The following SLA2 variants were observed in gnomAD, a reference collection of about 807,000 sequenced individuals.
The protein encoded by SLA2 is Src like adaptor 2.
SLA2 carries 22 observed loss-of-function variants against 27.3 expected under a neutral mutation model. The ratio of observed to expected loss-of-function variants is 0.81; its 90% CI spans 0.58 to 1.15. The LOEUF is 1.15. SLA2 is among the 50% of genes most tolerant of loss of function. SLA2 has a pLI of 0.00. For missense variants in SLA2, 304 were observed against 322.2 expected, an observed-to-expected ratio of 0.94 and a Z score of 0.43; for synonymous variants, 131 against 137.8, an observed-to-expected ratio of 0.95 and a Z score of 0.34.
At chr20:36,633,989 T>G (rs2039418544) in intron 3 of SLA2, among the ~76,000 whole-genome samples, 3 of 151,142 alleles carry the variant, frequency 2.0e-5, no homozygotes, top group Non-Finnish European at 4.4e-5. Context: ...TCTAATTCCT[T>G]CCTTCTTTTA....
chr20:36,641,115 G>A (rs1478680442), intron 2 of SLA2, 130 bp downstream of exon 2: 5 of 724,942 alleles, frequency 6.9e-6, no homozygotes, highest in Non-Finnish European at 1.2e-5. Context: ...CAGTAGGCAG[G>A]GCCTGGTATG....
intron 5 of SLA2, chr20:36,621,126 TGCTTATA>T (rs1214104518): frequency 2.6e-6 from 1 of 386,878 alleles, no homozygotes; most frequent in African/African-American, 2.1e-5. Context: ...ATGGTGAGCC[TGCTTATA>T]GCAGTAGACG....
chr20:36,621,683 G>A (rs2039284831), intron 5 of SLA2, among the ~76,000 whole-genome samples: 1 of 150,960 alleles, frequency 6.6e-6, no homozygotes, highest in Non-Finnish European at 1.5e-5. Context: ...TAACAATGAG[G>A]ATAAATGTAA....
chr20:36,615,344 C>T lies in SLA2; in HGVS notation c.413G>A (p.Arg138His), dbSNP rs770542732. The T allele has an allele frequency of 1.8e-5, 29 of 1,613,846 alleles. 1 individual carries two copies. The highest frequency in any genetic ancestry group is 3.3e-5 in the Admixed American group (2 of 59,950). ...GSYSLSVRLS[R>H]PASWDRIRHY... ...TCTGATCCGGTCCCAGGATGCAGGG[C>T]GGCTGAGGCGGACTGACAGAGAGTA... The change falls in exon 6 of 8, where the codon CGC (arginine) becomes CAC (histidine). Residue 138 changes from arginine (R) to histidine (H), a missense_variant. Coordinates refer to ENST00000262866, the MANE Select transcript of SLA2 (RefSeq NM_032214.4).
At position 36,613,952 on chromosome 20, in the gene SLA2, C is replaced by T. The variant is rs149334852; in HGVS notation, c.700G>A (p.Glu234Lys). ...CGGAGACCCTCACTGAGAAGAGACT[C>T]CTCCCCTGTGGCAGCTTCAGAAAAC... ...LLFSEAATGEESLLSEGLRES... is the reference protein window; with the variant it reads ...LLFSEAATGEKSLLSEGLRES... The change falls in exon 8 of 8, where the codon GAG becomes AAG. Residue 234 changes from glutamate to lysine, a missense_variant. By Grantham distance (56) the Glu-to-Lys change is moderately conservative. Transcript: ENST00000262866. 4 of 1,614,104 alleles carry T rather than the reference C, an allele frequency of 2.5e-6. No homozygotes were observed. The highest frequency in any genetic ancestry group is 1.3e-5 in the African/African-American group (1 of 75,032).
chr20:36,621,859 T>C (rs760199609), intron 5 of SLA2, among the ~76,000 whole-genome samples: 3 of 151,636 alleles, frequency 2.0e-5, no homozygotes, highest in Non-Finnish European at 4.4e-5. Flanking sequence ...CTACAAAAAA[T>C]TTAAAAATTA....
chr20:36,627,623 G>A (rs2039352728), intron 5 of SLA2, among the ~76,000 whole-genome samples: 2 of 152,206 alleles, frequency 1.3e-5, no homozygotes, highest in Admixed American at 6.5e-5. Context: ...TATACAGCAG[G>A]ACAGCGCAGA....
At chr20:36,632,452 G>T in intron 5 of SLA2, 143 bp downstream of exon 5, 1 of 648,424 alleles carries the variant, frequency 1.5e-6, no homozygotes, top group Non-Finnish European at 2.7e-6. Flanking sequence ...GGCAGGACAC[G>T]GAGCTGGGGC....
intron 1 of SLA2, among the ~76,000 whole-genome samples, chr20:36,643,438 G>A (rs1296209986): frequency 6.6e-6 from 1 of 152,244 alleles, no homozygotes; most frequent in Admixed American, 6.5e-5. Flanking sequence ...GGGAACCCAT[G>A]CACCTTACTC....
chr20:36,612,419 T>TATCATC lies in SLA2; in HGVS notation c.*1446_*1447insGATGAT, dbSNP rs142502467. On this transcript the variant is annotated 3_prime_UTR_variant, in exon 8 of 8. Transcript: ENST00000262866. ...TCCATCGGGTGTAGAGTTTTTAAAC[T>TATCATC]ATCAATGGCATTTCAAGTCTTCTGA... 1.6e-6 allele frequency: 1 copy of TATCATC among 619,550 alleles called. No homozygotes were observed. The highest frequency in any genetic ancestry group is 1.8e-5 in the African/African-American group (1 of 54,168). The allele number at this position is 619,550 out of a possible 1,614,324, so 38.4% of individuals were successfully genotyped here. A position where few individuals can be genotyped will look rare whatever the true frequency, so the allele number is the denominator to read the frequency against.
intron 3 of SLA2, 129 bp downstream of exon 3, chr20:36,634,361 G>A: frequency 3.2e-6 from 2 of 633,756 alleles, no homozygotes; most frequent in Non-Finnish European, 5.5e-6. Flanking sequence ...ATAGCTCATT[G>A]CAGCCTTGAG....
chr20:36,639,607 A>T (rs2039486810), intron 2 of SLA2, among the ~76,000 whole-genome samples: 1 of 151,998 alleles, frequency 6.6e-6, no homozygotes, highest in Non-Finnish European at 1.5e-5. Flanking sequence ...TAATCCCAGC[A>T]CTTTGGGAGG....
intron 5 of SLA2, among the ~76,000 whole-genome samples, chr20:36,631,931 G>A (rs2039396649): frequency 6.6e-6 from 1 of 152,184 alleles, no homozygotes; most frequent in Non-Finnish European, 1.5e-5. Flanking sequence ...TTAGGCAAAC[G>A]CGACGCCTTA....
chr20:36,615,732 C>G (rs913864965), intron 5 of SLA2, among the ~76,000 whole-genome samples: 2 of 152,082 alleles, frequency 1.3e-5, no homozygotes, highest in Non-Finnish European at 2.9e-5. Flanking sequence ...GACCTCCCAC[C>G]CTGCTGGTGG....
intron 5 of SLA2, among the ~76,000 whole-genome samples, chr20:36,626,736 C>T (rs1403364472): frequency 2.0e-5 from 3 of 150,282 alleles, no homozygotes; most frequent in East Asian, 2.0e-4. Context: ...CCCAGCTACT[C>T]GGGAGGCTGA....
intron 5 of SLA2, among the ~76,000 whole-genome samples, chr20:36,629,875 C>T (rs2039376265): frequency 6.6e-6 from 1 of 151,700 alleles, no homozygotes; most frequent in African/African-American, 2.4e-5. Flanking sequence ...GAGGCAGAGG[C>T]TGCACTGAGC....
At position 36,614,198 on chromosome 20, in the gene SLA2, C is replaced by T. The variant is rs368809323; in HGVS notation, c.665+107G>A. On this transcript the variant is annotated intron_variant, in intron 7 of 7. Transcript: ENST00000262866. ...GTCAGTGCACTCTGGCTCCAGCTGC[C>T]AGGTGTCCCTGAGTGTGACAGGTAC... 1.5e-5 allele frequency: 23 copies of T among 1,574,392 alleles called. No homozygotes were observed. The Admixed American group carries it at 2.9e-4, about 20-fold the overall frequency.
intron 5 of SLA2, among the ~76,000 whole-genome samples, chr20:36,617,964 G>A (rs1426422507): frequency 2.0e-5 from 3 of 147,176 alleles, no homozygotes; most frequent in African/African-American, 5.0e-5. Context: ...TGGCTAACAC[G>A]GTGAAACCCT....
chr20:36,632,812 C>T, intron 4 of SLA2, 114 bp from the exon 5 acceptor site: 1 of 776,860 alleles, frequency 1.3e-6, no homozygotes, highest in South Asian at 1.6e-5. Context: ...CTCTGGGCCT[C>T]AGAGTTCTAT....
Sources: allele counts gnomAD v4.1 joint callset (sites outside exome capture counted in the v4.1 genomes callset), GRCh38; gene constraint gnomAD v4.1.1; transcripts MANE v1.5; gene names NCBI Gene and HGNC (gene_info 2026-07-23, HGNC 2026-07-21).